The following WDFY4 variants were observed in gnomAD, a reference collection of about 807,000 sequenced individuals.
WDFY4 encodes the protein WD repeat- and FYVE domain-containing protein 4.
In WDFY4, 169 loss-of-function variants were observed where a neutral mutation model predicts 351.9. The observed-to-expected ratio is 0.48, with a 90% CI of 0.42 to 0.55. The LOEUF (loss-of-function observed/expected upper bound fraction) is 0.55. WDFY4 is among the 20% of genes least tolerant of loss of function. The pLI is 0.00. For synonymous variants in WDFY4, 1,622 were observed against 1,574.6 expected (o/e 1.03, Z -0.71); for missense variants, 3,803 against 3,935.6 (o/e 0.97, Z 0.90).
chr10:48,958,953 G>T (rs1015717), intron 52 of WDFY4, among the ~76,000 whole-genome samples: 65,277 of 151,894 alleles, frequency 0.43, 14,759 homozygotes, highest in Non-Finnish European at 0.51. Context: ...CCCTGGGGAG[G>T]TCAGGCAAGA....
At chr10:48,805,873 G>A in intron 26 of WDFY4, 131 bp from the exon 27 acceptor site, 2 of 756,370 alleles carry the variant, frequency 2.6e-6, no homozygotes, top group Non-Finnish European at 2.3e-6. Context: ...TACACAGCAT[G>A]CCATGATGAT....
intron 39 of WDFY4, among the ~76,000 whole-genome samples, chr10:48,849,716 T>G (rs1272219553): frequency 6.6e-6 from 1 of 152,244 alleles, no homozygotes; most frequent in African/African-American, 2.4e-5. Context: ...TTCCCTATTG[T>G]TAACATCTTA....
intron 12 of WDFY4, among the ~76,000 whole-genome samples, chr10:48,750,459 G>A (rs1257863733): frequency 6.6e-6 from 1 of 152,170 alleles, no homozygotes; most frequent in Non-Finnish European, 1.5e-5. Context: ...TGCCTTTCCT[G>A]TCTTCACTCT....
At chr10:48,786,962 CAGCGTTAAAGT>C in intron 20 of WDFY4, 92 bp downstream of exon 20, 1 of 1,178,494 alleles carries the variant, frequency 8.5e-7, no homozygotes. Context: ...AGAATAAGCT[CAGCGTTAAAGT>C]CAGTCATTAG....
chr10:48,778,110 G>A (rs868835132), intron 17 of WDFY4, among the ~76,000 whole-genome samples: 29 of 152,250 alleles, frequency 1.9e-4, no homozygotes, highest in Middle Eastern at 3.2e-3. Flanking sequence ...TGAGCCACAC[G>A]CTCTGTTAGG....
At chr10:48,847,353 C>G (rs1018475773) in intron 39 of WDFY4, among the ~76,000 whole-genome samples, 3 of 152,276 alleles carry the variant, frequency 2.0e-5, no homozygotes, top group South Asian at 4.1e-4. Flanking sequence ...TTCTGAGGTA[C>G]TAGGGGTTAG....
chr10:48,823,319 A>G, intron 35 of WDFY4: 4 of 1,282,424 alleles, frequency 3.1e-6, no homozygotes, highest in South Asian at 2.5e-5. Flanking sequence ...CTTGGAAAGA[A>G]CTTTCTGTTA....
chr10:48,832,383 C>T (rs2068219350), intron 38 of WDFY4, among the ~76,000 whole-genome samples, 190 bp from the exon 39 acceptor site: 1 of 152,238 alleles, frequency 6.6e-6, no homozygotes, highest in Non-Finnish European at 1.5e-5. Context: ...GACCTCAAAG[C>T]CCACAGTGTT....
intron 10 of WDFY4, 112 bp downstream of exon 10, chr10:48,734,147 G>A (rs186507426): frequency 1.9e-5 from 17 of 874,196 alleles, no homozygotes; most frequent in Admixed American, 4.9e-5. Flanking sequence ...AATACACAGC[G>A]TTAGCTGTGG....
chr10:48,748,915 G>A (rs1175437109), intron 12 of WDFY4, among the ~76,000 whole-genome samples: 1 of 152,228 alleles, frequency 6.6e-6, no homozygotes, highest in Non-Finnish European at 1.5e-5. Context: ...CTCCAGGGAG[G>A]AGGGAAAGAG....
At chr10:48,793,783 G>A (rs2066761660) in intron 23 of WDFY4, among the ~76,000 whole-genome samples, 2 of 152,232 alleles carry the variant, frequency 1.3e-5, no homozygotes, top group Admixed American at 1.3e-4. Flanking sequence ...CTTCAATTAA[G>A]TGGCTTGCTC....
intron 1 of WDFY4, among the ~76,000 whole-genome samples, chr10:48,705,193 G>A (rs773880541): frequency 2.0e-5 from 3 of 152,234 alleles, no homozygotes; most frequent in Non-Finnish European, 4.4e-5. Context: ...TTCCCACAGT[G>A]GAGAGTGAAG....
At chr10:48,946,279 T>G (rs1841039992) in intron 50 of WDFY4, 122 bp downstream of exon 50, 187 of 693,512 alleles carry the variant, frequency 2.7e-4, no homozygotes, top group Non-Finnish European at 3.9e-4. Context: ...TAGAGGACTC[T>G]AACCTGGTGG....
chr10:48,947,182 C>T (rs1841092308), intron 51 of WDFY4, among the ~76,000 whole-genome samples: 1 of 152,000 alleles, frequency 6.6e-6, no homozygotes, highest in Admixed American at 6.6e-5. Flanking sequence ...TGCACATCTG[C>T]CCAACAAAGT....
chr10:48,803,665 G>T (rs940461262), intron 25 of WDFY4, among the ~76,000 whole-genome samples: 38 of 152,182 alleles, frequency 2.5e-4, no homozygotes, highest in Admixed American at 2.0e-3. Flanking sequence ...GGCACTTTTG[G>T]AATTAGTCAG....
chr10:48,910,281 G>T, intron 47 of WDFY4: 1 of 1,612,512 alleles, frequency 6.2e-7, no homozygotes, highest in Non-Finnish European at 8.5e-7. Context: ...ACACAAGAAG[G>T]TGAGGCAATT....
Position 48,913,470 on chromosome 10 carries a change from G to A in WDFY4, c.7586+11607G>A, listed in dbSNP as rs61730452. ...AAAGATGGTCTTTCTCGGTGTCGTCGTGGCCATGTTCTTGATTCTATTCAG... is the reference window on the plus strand; with the variant it reads ...AAAGATGGTCTTTCTCGGTGTCGTCATGGCCATGTTCTTGATTCTATTCAG... On this transcript the variant is annotated intron_variant, in intron 47 of 61. Transcript: ENST00000325239. The A allele has an allele frequency of 5.1e-3, 7,973 of 1,570,734 alleles. 390 individuals carry two copies. The African/African-American group carries it at 0.1, about 20-fold the overall frequency.
intron 43 of WDFY4, among the ~76,000 whole-genome samples, chr10:48,889,911 C>T (rs1486042783): frequency 1.3e-5 from 2 of 152,230 alleles, no homozygotes; most frequent in Non-Finnish European, 2.9e-5. Context: ...TCCACATTGT[C>T]CAGTTGTTGG....
At chr10:48,978,699 C>T (rs547585684) in intron 60 of WDFY4, 25 of 275,842 alleles carry the variant, frequency 9.1e-5, no homozygotes, top group Non-Finnish European at 1.4e-4. Context: ...AAGCTGTTAC[C>T]GCATCACATC....
Sources: allele counts gnomAD v4.1 joint callset (sites outside exome capture counted in the v4.1 genomes callset), GRCh38; gene constraint gnomAD v4.1.1; transcripts MANE v1.5; gene names NCBI Gene and HGNC (gene_info 2026-07-23, HGNC 2026-07-21).